The following PIK3C2A variants were observed in gnomAD, a reference collection of about 807,000 sequenced individuals.
The protein encoded by PIK3C2A is phosphatidylinositol 4-phosphate 3-kinase C2 domain-containing subunit alpha.
In PIK3C2A, 97 loss-of-function variants were observed where a neutral mutation model predicts 204.5. The observed-to-expected ratio is 0.47, with a 90% confidence interval of 0.40 to 0.56. The LOEUF (loss-of-function observed/expected upper bound fraction) is 0.56. Ranked by LOEUF, PIK3C2A falls within the 20% of genes least tolerant of loss-of-function variation. The probability of loss-of-function intolerance (pLI) is 0.00; values close to 1 mark genes in which losing one functional copy is unlikely to be tolerated. For missense variants in PIK3C2A, 1,735 were observed against 1,969.2 expected, an observed-to-expected ratio of 0.88 and a Z score of 2.25; for synonymous variants, 653 against 664.4, an observed-to-expected ratio of 0.98 and a Z score of 0.26.
At chr11:17,193,507 C>A in intron 1 of PIK3C2A, 1 of 451,660 alleles carries the variant, frequency 2.2e-6, no homozygotes, top group South Asian at 1.6e-5. Flanking sequence ...GTCCAAGAAC[C>A]ACACCACACA....
intron 19 of PIK3C2A, among the ~76,000 whole-genome samples, chr11:17,115,143 A>G (rs1459933128): frequency 6.6e-6 from 1 of 152,058 alleles, no homozygotes; most frequent in Non-Finnish European, 1.5e-5. Flanking sequence ...TGAAATTGCA[A>G]GTGTCCCCTG....
At chr11:17,159,030 G>A (rs912239929) in intron 2 of PIK3C2A, among the ~76,000 whole-genome samples, 2 of 152,052 alleles carry the variant, frequency 1.3e-5, no homozygotes, top group Admixed American at 1.3e-4. Context: ...TTTTCCCTCT[G>A]CTCTTTCTGG....
chr11:17,196,296 G>A (rs1852152154), intron 1 of PIK3C2A, among the ~76,000 whole-genome samples: 1 of 152,154 alleles, frequency 6.6e-6, no homozygotes, highest in Non-Finnish European at 1.5e-5. Context: ...GTGAATTTCA[G>A]GCAGACACAG....
In PIK3C2A at chr11:17,114,341, A is replaced by C; in HGVS notation, c.3321+20T>G. The C allele has an allele frequency of 8.6e-7, 1 of 1,158,864 alleles. No homozygotes were observed. The highest frequency in any genetic ancestry group is 1.5e-5 in the African/African-American group (1 of 66,090). The allele number at this position is 1,158,864 out of a possible 1,614,324, so 71.8% of individuals were successfully genotyped here. A position where few individuals can be genotyped will look rare whatever the true frequency, so the allele number is the denominator to read the frequency against. On this transcript the variant is annotated intron_variant, in intron 20 of 32. Coordinates refer to ENST00000691414, the MANE Select transcript of PIK3C2A (RefSeq NM_002645.4). ...TTATTTTCAAATGTAATATGAACTTATAAGTATTTTATGTGTCACCTTAAT... is the reference window on the plus strand; with the variant it reads ...TTATTTTCAAATGTAATATGAACTTCTAAGTATTTTATGTGTCACCTTAAT...
At chr11:17,124,793 CCTT>C (rs1250828515) in intron 13 of PIK3C2A, among the ~76,000 whole-genome samples, 4 of 152,112 alleles carry the variant, frequency 2.6e-5, no homozygotes, top group East Asian at 3.8e-4. Flanking sequence ...TGTTTGGTCT[CCTT>C]CTCTTTTTTT....
intron 18 of PIK3C2A, among the ~76,000 whole-genome samples, chr11:17,118,002 C>T (rs975783800): frequency 1.3e-5 from 2 of 151,878 alleles, no homozygotes; most frequent in Non-Finnish European, 2.9e-5. Flanking sequence ...CGTGAGCCAC[C>T]ATGCCCGGCC....
intron 1 of PIK3C2A, chr11:17,194,004 G>T: frequency 2.7e-6 from 1 of 375,154 alleles, no homozygotes; most frequent in Non-Finnish European, 4.8e-6. Context: ...AGCAAAACAA[G>T]AAGGGCCTAA....
chr11:17,107,509 A>C, intron 22 of PIK3C2A, among the ~76,000 whole-genome samples: 1 of 152,202 alleles, frequency 6.6e-6, no homozygotes, highest in East Asian at 1.9e-4. Flanking sequence ...TACACAAAAC[A>C]TTTCCAGAAG....
intron 1 of PIK3C2A, chr11:17,194,159 C>T (rs1345941572): frequency 8.2e-6 from 6 of 729,134 alleles, no homozygotes; most frequent in South Asian, 4.8e-5. Context: ...GCTTGGGAAG[C>T]GTGCTTGTGC....
At chr11:17,190,667 A>C (rs1192472412) in intron 1 of PIK3C2A, among the ~76,000 whole-genome samples, 1 of 152,124 alleles carries the variant, frequency 6.6e-6, no homozygotes, top group Non-Finnish European at 1.5e-5. Flanking sequence ...TCAGCATAGT[A>C]ACAGGAACTA....
At chr11:17,093,459 G>GGGT (rs1204748165) in intron 28 of PIK3C2A, among the ~76,000 whole-genome samples, 1 of 151,986 alleles carries the variant, frequency 6.6e-6, no homozygotes, top group Admixed American at 6.6e-5. Context: ...AGAAGAGACG[G>GGGT]TTCACCGTGT....
At chr11:17,200,029 TAC>T (rs1852311755) in intron 1 of PIK3C2A, among the ~76,000 whole-genome samples, 1 of 149,526 alleles carries the variant, frequency 6.7e-6, no homozygotes, top group Non-Finnish European at 1.5e-5. Flanking sequence ...AATACAAAAA[TAC>T]AAAAATTAGC....
At chr11:17,139,408 A>G (rs1163457149) in intron 8 of PIK3C2A, among the ~76,000 whole-genome samples, 1 of 151,566 alleles carries the variant, frequency 6.6e-6, no homozygotes, top group Non-Finnish European at 1.5e-5. Context: ...TTGTAATTTT[A>G]GTAGAGACCG....
At chr11:17,096,086 T>C (rs1360002402) in intron 27 of PIK3C2A, among the ~76,000 whole-genome samples, 1 of 151,886 alleles carries the variant, frequency 6.6e-6, no homozygotes, top group African/African-American at 2.4e-5. Context: ...TTGCCCAGCC[T>C]GGAGCGCAAT....
At chr11:17,128,353 G>C (rs931154829) in intron 13 of PIK3C2A, among the ~76,000 whole-genome samples, 38 of 150,400 alleles carry the variant, frequency 2.5e-4, no homozygotes, top group African/African-American at 8.8e-4. Flanking sequence ...TCATGCCTCA[G>C]CCTACAGAGT....
In PIK3C2A at chr11:17,204,632, T is replaced by C. The variant is rs540365873; in HGVS notation, c.-66+3216A>G. Among the ~76,000 whole-genome samples the C allele has an allele frequency of 1.1e-4, 17 of 152,326 alleles. No homozygotes were observed. In the South Asian group the frequency reaches 2.3e-3, roughly 20 times the overall value. On this transcript the variant is annotated intron_variant, in intron 1 of 32. Transcript: ENST00000691414. ...TAATTATACTGTTATAAAATGTACG[T>C]TGTCTTCCAAATGGATGAGAAATTC...
At chr11:17,206,769 TTTC>T (rs954991916) in intron 1 of PIK3C2A, among the ~76,000 whole-genome samples, 2 of 152,176 alleles carry the variant, frequency 1.3e-5, no homozygotes, top group African/African-American at 2.4e-5. Context: ...TACAAACAGC[TTTC>T]TTCTTCTTGC....
intron 1 of PIK3C2A, among the ~76,000 whole-genome samples, chr11:17,186,081 T>C (rs1851741109): frequency 6.6e-6 from 1 of 152,168 alleles, no homozygotes; most frequent in Admixed American, 6.6e-5. Flanking sequence ...GCCCCCTTGT[T>C]GTTCCTCAAC....
In PIK3C2A at chr11:17,144,792, A is replaced by G. The variant is rs184365965; in HGVS notation, c.1704+876T>C. ...ATGCCTCTAATCCCAGCTACTCAGGAGGCTGAGGCAGGAGAATCATTTGAA... is the reference window on the plus strand; with the variant it reads ...ATGCCTCTAATCCCAGCTACTCAGGGGGCTGAGGCAGGAGAATCATTTGAA... On this transcript the variant is annotated intron_variant, in intron 8 of 32. Transcript: ENST00000691414. Among the ~76,000 whole-genome samples the G allele has an allele frequency of 6.6e-3, 961 of 144,966 alleles. 5 individuals are homozygous for G. Among genetic ancestry groups the G allele is most frequent in the Non-Finnish European group, 0.01 (672 of 66,408 alleles).
Sources: allele counts gnomAD v4.1 joint callset (sites outside exome capture counted in the v4.1 genomes callset), GRCh38; gene constraint gnomAD v4.1.1; transcripts MANE v1.5; gene names NCBI Gene and HGNC (gene_info 2026-07-23, HGNC 2026-07-21).